MAGI2: variants seen among roughly 807,000 people sequenced by gnomAD.
MAGI2 encodes membrane associated guanylate kinase, WW and PDZ domain containing 2, also known as membrane-associated guanylate kinase, WW and PDZ domain-containing protein 2.
A neutral mutation model predicts 133.3 loss-of-function variants in MAGI2; 35 were observed. The observed-to-expected ratio is 0.26, with a 90% CI of 0.20 to 0.35. The LOEUF is 0.35. Among genes scored for constraint, MAGI2 ranks in the 10% least tolerant of loss-of-function variants. The pLI is 1.00. For missense variants in MAGI2, 1,636 were observed against 1,863.4 expected (o/e 0.88, Z 2.25); for synonymous variants, 729 against 710.6 (o/e 1.03, Z -0.41).
At chr7:78,672,617 C>T (rs1006758057) in intron 2 of MAGI2, among the ~76,000 whole-genome samples, 5 of 152,196 alleles carry the variant, frequency 3.3e-5, no homozygotes, top group Non-Finnish European at 5.9e-5. Context: ...ATGATCTCCA[C>T]AGTTGTTTTT....
intron 1 of MAGI2, among the ~76,000 whole-genome samples, chr7:79,446,351 T>A (rs1848851350): frequency 6.6e-6 from 1 of 152,078 alleles, no homozygotes; most frequent in South Asian, 2.1e-4. Context: ...AGACAAAATC[T>A]CTCTTTGCAC....
intron 1 of MAGI2, among the ~76,000 whole-genome samples, chr7:79,106,016 A>G (rs966921344): frequency 9.2e-5 from 14 of 152,196 alleles, no homozygotes; most frequent in African/African-American, 3.4e-4. Context: ...AACAAAAACT[A>G]TGCTGGAATG....
At chr7:79,440,179 T>G (rs938407787) in intron 1 of MAGI2, among the ~76,000 whole-genome samples, 2 of 152,008 alleles carry the variant, frequency 1.3e-5, no homozygotes, top group Non-Finnish European at 2.9e-5. Context: ...GTTCTTTTTT[T>G]TTTTTCTTTA....
At chr7:78,700,663 A>T (rs1817974620) in intron 2 of MAGI2, among the ~76,000 whole-genome samples, 1 of 152,060 alleles carries the variant, frequency 6.6e-6, no homozygotes, top group South Asian at 2.1e-4. Flanking sequence ...CTGTTTGATC[A>T]AAGATTGAAG....
chr7:79,391,515 A>T (rs1351381269), intron 1 of MAGI2, among the ~76,000 whole-genome samples: 1 of 46,338 alleles, frequency 2.2e-5, no homozygotes, highest in Non-Finnish European at 3.3e-5. Flanking sequence ...AGACATATAT[A>T]TATATATATA....
At chr7:78,439,457 T>C (rs1485383106) in intron 6 of MAGI2, among the ~76,000 whole-genome samples, 1 of 152,152 alleles carries the variant, frequency 6.6e-6, no homozygotes, top group Non-Finnish European at 1.5e-5. Flanking sequence ...GGAAAAGCCT[T>C]AATGTAAGAA....
In MAGI2 at chr7:78,412,306, T is replaced by C. The variant is rs186610122; in HGVS notation, c.1046-43093A>G. Among the ~76,000 whole-genome samples, 246 of 152,054 alleles carry C rather than the reference T, an allele frequency of 1.6e-3. 2 individuals are homozygous for C. The highest frequency in any genetic ancestry group is 5.7e-3 in the African/African-American group (235 of 41,490). On this transcript the variant is annotated intron_variant, in intron 6 of 21. Coordinates refer to ENST00000354212, the MANE Select transcript of MAGI2 (RefSeq NM_012301.4). The stretch of plus-strand genomic sequence containing the variant: ...TCTCCTTGAGTAGATTCACAGCCTG[T>C]GGTCAAAGGGGAAGCAGTAGACAGA...
intron 10 of MAGI2, among the ~76,000 whole-genome samples, chr7:78,243,110 T>C (rs1791332365): frequency 6.6e-6 from 1 of 151,968 alleles, no homozygotes; most frequent in South Asian, 2.1e-4. Flanking sequence ...TTTATAGCAT[T>C]ACCTAACTAG....
chr7:78,679,064 A>G (rs1585061155), intron 2 of MAGI2, among the ~76,000 whole-genome samples: 1 of 152,154 alleles, frequency 6.6e-6, no homozygotes, highest in African/African-American at 2.4e-5. Context: ...AACAAAGACA[A>G]TTTAGACTAA....
intron 1 of MAGI2, among the ~76,000 whole-genome samples, chr7:79,329,167 G>C (rs1366091462): frequency 6.6e-6 from 1 of 152,178 alleles, no homozygotes; most frequent in Non-Finnish European, 1.5e-5. Flanking sequence ...CAGAGGAAAA[G>C]TGGAGATGAG....
intron 6 of MAGI2, among the ~76,000 whole-genome samples, chr7:78,418,851 GGTA>G (rs1431663510): frequency 6.6e-6 from 1 of 152,132 alleles, no homozygotes; most frequent in African/African-American, 2.4e-5. Context: ...AAGAAATGAA[GGTA>G]GTAGTAATAG....
At chr7:79,324,595 AAT>A (rs1460772388) in intron 1 of MAGI2, among the ~76,000 whole-genome samples, 2 of 50,068 alleles carry the variant, frequency 4.0e-5, no homozygotes, top group Non-Finnish European at 8.3e-5. Context: ...TATATATAAC[AAT>A]ATATATATAA....
rs541390342 is a variant in MAGI2, at chr7:78,536,780, A to G, written c.539-15135T>C. 2.2e-5 allele frequency among the ~76,000 whole-genome samples: 3 copies of G among 137,836 alleles called. No homozygotes were observed. In the Admixed American group the frequency reaches 2.3e-4, roughly 11 times the overall value. The allele number at this position is 137,836 out of a possible 152,430, so 90.4% of individuals were successfully genotyped here. A position where few individuals can be genotyped will look rare whatever the true frequency, so the allele number is the denominator to read the frequency against. On this transcript the variant is annotated intron_variant, in intron 3 of 21. Coordinates refer to ENST00000354212, the MANE Select transcript of MAGI2 (RefSeq NM_012301.4). ...TGTTGTTTTTTTTTTTTTTTTCTGG[A>G]GACAGAGTCTTGCTCTGTCGCCCAG... is the stretch of plus-strand genomic sequence containing the variant.
intron 1 of MAGI2, among the ~76,000 whole-genome samples, chr7:79,199,825 T>C (rs1562987774): frequency 6.6e-6 from 1 of 151,746 alleles, no homozygotes; most frequent in Non-Finnish European, 1.5e-5. Context: ...CATGCAAAGA[T>C]TTTGGACTCA....
intron 1 of MAGI2, among the ~76,000 whole-genome samples, chr7:79,439,161 C>T (rs1848336425): frequency 6.6e-6 from 1 of 152,084 alleles, no homozygotes; most frequent in African/African-American, 2.4e-5. Context: ...GCTTCCCACA[C>T]CTCCCTTCTT....
At chr7:78,859,960 ACTTCT>A (rs1794017099) in intron 2 of MAGI2, among the ~76,000 whole-genome samples, 1 of 151,554 alleles carries the variant, frequency 6.6e-6, no homozygotes, top group African/African-American at 2.4e-5. Flanking sequence ...TTTTCTCTAA[ACTTCT>A]CTTCTCTCTT....
chr7:78,285,104 G>A (rs1429695374), intron 9 of MAGI2, among the ~76,000 whole-genome samples: 1 of 152,048 alleles, frequency 6.6e-6, no homozygotes, highest in Non-Finnish European at 1.5e-5. Context: ...AGGGCAAAAC[G>A]AACTCACTGA....
intron 2 of MAGI2, among the ~76,000 whole-genome samples, chr7:78,973,926 T>C (rs1229715226): frequency 6.6e-6 from 1 of 151,824 alleles, no homozygotes; most frequent in Non-Finnish European, 1.5e-5. Context: ...AGTGTGTTGC[T>C]GCGTTTGGCT....
chr7:79,364,641 C>T (rs894849016), intron 1 of MAGI2, among the ~76,000 whole-genome samples: 3 of 152,072 alleles, frequency 2.0e-5, no homozygotes, highest in Admixed American at 2.0e-4. Context: ...AGATCCCACA[C>T]AATCATATTC....
Sources: allele counts gnomAD v4.1 joint callset (sites outside exome capture counted in the v4.1 genomes callset), GRCh38; gene constraint gnomAD v4.1.1; transcripts MANE v1.5; gene names NCBI Gene and HGNC (gene_info 2026-07-23, HGNC 2026-07-21).